GRIK1: variants seen among roughly 807,000 people sequenced by gnomAD.
GRIK1 encodes the protein glutamate ionotropic receptor kainate type subunit 1, also known as glutamate receptor ionotropic, kainate 1.
Under a neutral mutation model 105.7 loss-of-function variants are expected in GRIK1, and 69 were observed. The ratio of observed to expected loss-of-function variants is 0.65; its 90% CI spans 0.54 to 0.80. GRIK1 has a LOEUF of 0.80. Ranked by LOEUF, GRIK1 falls within the 30% of genes least tolerant of loss-of-function variation. GRIK1 has a pLI of 0.00. For missense variants in GRIK1, 1,109 were observed against 1,167.3 expected, an observed-to-expected ratio of 0.95 and a Z score of 0.73; for synonymous variants, 438 against 431.3, an observed-to-expected ratio of 1.02 and a Z score of -0.19.
chr21:29,939,438 G>T lies in GRIK1; in HGVS notation c.63C>A (p.Leu21=), dbSNP rs2071897747. The change falls in exon 1 of 18, where the codon CTC becomes CTA. Residue 21 remains leucine (L), a synonymous_variant. Coordinates refer to ENST00000327783, the MANE Select transcript of GRIK1 (RefSeq NM_001330994.2). ...GGAGGATATAGCAGAGGAAATAGAG[G>T]AGTGCCCAGCTGGTGTCCCTGGTCC... is the stretch of plus-strand genomic sequence containing the variant. ...GLWTRDTSWA[L]LYFLCYILPQ... 6.3e-7 allele frequency: 1 copy of T among 1,596,348 alleles called. No homozygotes were observed.
intron 1 of GRIK1, among the ~76,000 whole-genome samples, chr21:29,927,017 C>T (rs985953245): frequency 6.6e-6 from 1 of 152,118 alleles, no homozygotes; most frequent in Non-Finnish European, 1.5e-5. Context: ...AGAAGCAGAA[C>T]AGATATTTCA....
chr21:29,886,250 T>C (rs1243462646), intron 1 of GRIK1, among the ~76,000 whole-genome samples: 1 of 152,134 alleles, frequency 6.6e-6, no homozygotes, highest in Non-Finnish European at 1.5e-5. Context: ...TATTAATGCA[T>C]TTTGCTTTCA....
At chr21:29,932,336 G>C (rs1286740692) in intron 1 of GRIK1, among the ~76,000 whole-genome samples, 1 of 152,056 alleles carries the variant, frequency 6.6e-6, no homozygotes, top group Non-Finnish European at 1.5e-5. Context: ...ATCATTGCTT[G>C]TTAATTTCAA....
chr21:29,867,926 AAGAGAG>A lies in GRIK1; in HGVS notation c.118+71451_118+71456del, dbSNP rs1251030216. ...AGAAAGAAAGAGAGAGAAAGAGAGA[AAGAGAG>A]AGAAAGAGAGAGAGAAAGAGAGAGA... On this transcript the variant is annotated intron_variant, in intron 1 of 17. Transcript: ENST00000327783. Among the ~76,000 whole-genome samples, 5 of 126,060 alleles carry A rather than the reference AAGAGAG, an allele frequency of 4.0e-5. No individual in the cohort carries two copies. In the East Asian group the frequency reaches 8.3e-4, roughly 21 times the overall value. The allele number at this position is 126,060 out of a possible 152,430, so 82.7% of individuals were successfully genotyped here. A position where few individuals can be genotyped will look rare whatever the true frequency, so the allele number is the denominator to read the frequency against.
chr21:29,688,287 C>T (rs2063521680), intron 3 of GRIK1, among the ~76,000 whole-genome samples: 1 of 152,178 alleles, frequency 6.6e-6, no homozygotes, highest in Non-Finnish European at 1.5e-5. Context: ...TCCAACCACA[C>T]TCGTCACTTT....
intron 7 of GRIK1, among the ~76,000 whole-genome samples, chr21:29,637,167 T>C (rs1370781120): frequency 1.3e-5 from 2 of 152,184 alleles, no homozygotes; most frequent in African/African-American, 4.8e-5. Context: ...ATAGAAGCAC[T>C]GTGACCCAGA....
In GRIK1 at chr21:29,656,826, T is replaced by A. The variant is rs573453083; in HGVS notation, c.727-1963A>T. On this transcript the variant is annotated intron_variant, in intron 4 of 17. Coordinates refer to ENST00000327783, the MANE Select transcript of GRIK1 (RefSeq NM_001330994.2). ...ACCAGTCCTACACTTCTCAACAACG[T>A]CTCTACTAACACGAAAACCAGAGGA... Among the ~76,000 whole-genome samples, 22 of 152,258 alleles carry A rather than the reference T, an allele frequency of 1.4e-4. 1 individual carries two copies. The East Asian group carries it at 4.0e-3, about 28-fold the overall frequency.
intron 3 of GRIK1, among the ~76,000 whole-genome samples, chr21:29,683,255 T>G (rs2063416645): frequency 6.6e-6 from 1 of 152,200 alleles, no homozygotes; most frequent in Non-Finnish European, 1.5e-5. Flanking sequence ...GGACTGCCAT[T>G]TGGCCCAGGA....
chr21:29,555,202 G>A lies in GRIK1; in HGVS notation c.2457C>T (p.Cys819=), dbSNP rs1339760104. 2.5e-6 allele frequency: 4 copies of A among 1,613,840 alleles called. No homozygotes were observed. Among genetic ancestry groups the A allele is most frequent in the South Asian group, 2.2e-5 (2 of 91,076 alleles). Residue 819 remains cysteine (C), a synonymous_variant, in exon 16 of 18, where the codon TGC becomes TGT. Transcript: ENST00000327783. ...TGGCTTCTTTGTTGTCTTCCTCGGGGCAGCCATTCCCACGCCACCACTTCT... is the reference window on the plus strand; with the variant it reads ...TGGCTTCTTTGTTGTCTTCCTCGGGACAGCCATTCCCACGCCACCACTTCT... ...MKEKWWRGNG[C]PEEDNKEASA... is the part of the protein sequence containing the mutation.
chr21:29,804,200 G>A (rs2066791972), intron 1 of GRIK1, among the ~76,000 whole-genome samples: 1 of 151,720 alleles, frequency 6.6e-6, no homozygotes, highest in Admixed American at 6.6e-5. Flanking sequence ...CCTACATCTC[G>A]CTCATACGTA....
chr21:29,806,203 A>G (rs1257430859), intron 1 of GRIK1, among the ~76,000 whole-genome samples: 1 of 152,124 alleles, frequency 6.6e-6, no homozygotes, highest in Non-Finnish European at 1.5e-5. Context: ...ATGAATCTAT[A>G]ATCTGCTATC....
At chr21:29,695,777 C>A (rs2063690310) in intron 1 of GRIK1, among the ~76,000 whole-genome samples, 1 of 152,112 alleles carries the variant, frequency 6.6e-6, no homozygotes, top group African/African-American at 2.4e-5. Context: ...CTGGCCCAGG[C>A]TGCTATTTTT....
chr21:29,609,564 G>A (rs140219204), intron 7 of GRIK1, among the ~76,000 whole-genome samples: 407 of 152,292 alleles, frequency 2.7e-3, no homozygotes, highest in African/African-American at 8.9e-3. Context: ...TGCTCTCTCC[G>A]CTGTGGTTGG....
chr21:29,835,813 A>G lies in GRIK1; in HGVS notation c.118+103570T>C, dbSNP rs1015103705. On this transcript the variant is annotated intron_variant, in intron 1 of 17. Transcript: ENST00000327783. ...TCTATTTTTTTTAACTTATTAACTC[A>G]TTTTGTCGTTGCTTTATAAAAGCTA... Among the ~76,000 whole-genome samples, 59 of 152,004 alleles carry G rather than the reference A, an allele frequency of 3.9e-4. 2 individuals carry two copies. Among genetic ancestry groups the G allele is most frequent in the Admixed American group, 3.9e-3 (59 of 15,254 alleles).
At chr21:29,702,663 A>G (rs752111511) in intron 1 of GRIK1, among the ~76,000 whole-genome samples, 4 of 152,208 alleles carry the variant, frequency 2.6e-5, no homozygotes, top group Non-Finnish European at 4.4e-5. Flanking sequence ...GTGAGCCGAG[A>G]TCGCACCACT....
intron 1 of GRIK1, among the ~76,000 whole-genome samples, chr21:29,839,675 G>T (rs993092993): frequency 6.6e-6 from 1 of 152,072 alleles, no homozygotes; most frequent in Non-Finnish European, 1.5e-5. Context: ...GAAAGTGATA[G>T]TCCCACTTAT....
chr21:29,610,185 G>A (rs1052988118), intron 7 of GRIK1, among the ~76,000 whole-genome samples: 1 of 152,190 alleles, frequency 6.6e-6, no homozygotes, highest in Non-Finnish European at 1.5e-5. Flanking sequence ...ATGTCTAGGT[G>A]CTATAGGAAT....
At chr21:29,811,429 G>A (rs533037094) in intron 1 of GRIK1, among the ~76,000 whole-genome samples, 6 of 152,254 alleles carry the variant, frequency 3.9e-5, no homozygotes, top group African/African-American at 1.4e-4. Flanking sequence ...GTGCTATTTA[G>A]TGAATTGCTT....
At chr21:29,586,669 A>C (rs779448557) in intron 12 of GRIK1, among the ~76,000 whole-genome samples, 1 of 152,248 alleles carries the variant, frequency 6.6e-6, no homozygotes, top group Non-Finnish European at 1.5e-5. Context: ...AGAATATATG[A>C]TCTATTGAAA....
Sources: allele counts gnomAD v4.1 joint callset (sites outside exome capture counted in the v4.1 genomes callset), GRCh38; gene constraint gnomAD v4.1.1; transcripts MANE v1.5; gene names NCBI Gene and HGNC (gene_info 2026-07-23, HGNC 2026-07-21).